CNTN5: variants seen among roughly 807,000 people sequenced by gnomAD.
CNTN5 encodes contactin 5, also known as contactin-5.
CNTN5 carries 77 observed loss-of-function variants against 129.1 expected under a neutral mutation model. That is an observed-to-expected ratio of 0.60 (90% CI 0.50 to 0.72). The LOEUF is 0.72. Ranked by LOEUF, CNTN5 falls within the 30% of genes least tolerant of loss-of-function variation. The pLI is 0.00. For missense variants in CNTN5, 1,478 were observed against 1,328.8 expected (o/e 1.11, Z -1.75); for synonymous variants, 509 against 465.6 (o/e 1.09, Z -1.20).
chr11:99,560,614 T>C (rs1948811743), intron 3 of CNTN5, among the ~76,000 whole-genome samples: 1 of 152,076 alleles, frequency 6.6e-6, no homozygotes, highest in Non-Finnish European at 1.5e-5. Context: ...GGAAGCAACT[T>C]CACTTAGGGG....
chr11:99,569,631 C>A (rs1949115953), intron 3 of CNTN5, among the ~76,000 whole-genome samples: 1 of 152,126 alleles, frequency 6.6e-6, no homozygotes, highest in Non-Finnish European at 1.5e-5. Context: ...CTCCAGAATC[C>A]TTCTATTGTG....
intron 2 of CNTN5, among the ~76,000 whole-genome samples, chr11:99,503,741 T>A (rs1445779100): frequency 6.6e-6 from 1 of 152,160 alleles, no homozygotes; most frequent in Non-Finnish European, 1.5e-5. Flanking sequence ...GATAAATAGA[T>A]CTATATCTAT....
At chr11:99,507,578 A>T (rs1194625530) in intron 2 of CNTN5, among the ~76,000 whole-genome samples, 2 of 152,130 alleles carry the variant, frequency 1.3e-5, no homozygotes, top group East Asian at 3.9e-4. Context: ...TACATAAACG[A>T]TGTACTTTGA....
chr11:100,000,713 C>G (rs948322920), intron 8 of CNTN5, among the ~76,000 whole-genome samples: 1 of 152,224 alleles, frequency 6.6e-6, no homozygotes, highest in Non-Finnish European at 1.5e-5. Context: ...CATTAGGGAT[C>G]TTTCCCTGCA....
At chr11:100,240,582 A>G (rs1192619741) in intron 16 of CNTN5, among the ~76,000 whole-genome samples, 5 of 152,188 alleles carry the variant, frequency 3.3e-5, no homozygotes, top group Non-Finnish European at 7.3e-5. Flanking sequence ...TTGCTCATTT[A>G]GTTAAATATA....
chr11:100,032,114 T>C (rs932826894), intron 9 of CNTN5, among the ~76,000 whole-genome samples: 1 of 152,184 alleles, frequency 6.6e-6, no homozygotes. Context: ...AAACAATGTT[T>C]CAGGAACCCA....
chr11:99,063,549 T>TAAAC (rs1253194883), intron 1 of CNTN5, among the ~76,000 whole-genome samples: 73 of 151,014 alleles, frequency 4.8e-4, no homozygotes, highest in African/African-American at 1.7e-3. Flanking sequence ...AATAAATAAA[T>TAAAC]AAACGCATGA....
chr11:99,875,194 A>T (rs966789748), intron 6 of CNTN5, among the ~76,000 whole-genome samples: 1 of 152,196 alleles, frequency 6.6e-6, no homozygotes, highest in African/African-American at 2.4e-5. Flanking sequence ...ACCAGGAATG[A>T]CAGAATAGAT....
At chr11:99,374,839 A>G (rs1940064400) in intron 2 of CNTN5, among the ~76,000 whole-genome samples, 1 of 91,350 alleles carries the variant, frequency 1.1e-5, no homozygotes, top group South Asian at 3.4e-4. Flanking sequence ...GAAAACTCTG[A>G]AAGAATGAAG....
At chr11:100,157,267 T>C (rs1312193857) in intron 13 of CNTN5, among the ~76,000 whole-genome samples, 1 of 151,924 alleles carries the variant, frequency 6.6e-6, no homozygotes, top group East Asian at 1.9e-4. Flanking sequence ...GAGGAAAACA[T>C]ATAGATTACG....
chr11:99,096,812 G>C (rs1415309505), intron 1 of CNTN5, among the ~76,000 whole-genome samples: 1 of 151,588 alleles, frequency 6.6e-6, no homozygotes, highest in Admixed American at 6.6e-5. Flanking sequence ...CTGTCATACT[G>C]CTTGCATTTG....
At chr11:99,937,101 A>G (rs1318947055) in intron 7 of CNTN5, among the ~76,000 whole-genome samples, 1 of 152,242 alleles carries the variant, frequency 6.6e-6, no homozygotes, top group Admixed American at 6.5e-5. Context: ...TAGATCTATG[A>G]TCTTTCTAAA....
chr11:99,092,620 C>T (rs1375775663), intron 1 of CNTN5, among the ~76,000 whole-genome samples: 3 of 151,836 alleles, frequency 2.0e-5, no homozygotes, highest in Non-Finnish European at 4.4e-5. Flanking sequence ...AACTTAGAAA[C>T]CAACTAAATA....
intron 16 of CNTN5, among the ~76,000 whole-genome samples, chr11:100,252,561 T>C (rs1045669892): frequency 6.6e-6 from 1 of 152,202 alleles, no homozygotes; most frequent in African/African-American, 2.4e-5. Context: ...TATAGTTAGC[T>C]CTTTGATACA....
intron 18 of CNTN5, among the ~76,000 whole-genome samples, chr11:100,296,754 A>C (rs1951107263): frequency 6.6e-6 from 1 of 151,540 alleles, no homozygotes; most frequent in South Asian, 2.1e-4. Flanking sequence ...GTGAATACCT[A>C]CCAGTAATTA....
chr11:99,357,077 A>T (rs1442869517), intron 2 of CNTN5, among the ~76,000 whole-genome samples: 1 of 152,224 alleles, frequency 6.6e-6, no homozygotes, highest in African/African-American at 2.4e-5. Context: ...TAACCCAGTA[A>T]GGTACATTTT....
At chr11:99,910,076 A>G (rs966834368) in intron 6 of CNTN5, among the ~76,000 whole-genome samples, 1 of 152,106 alleles carries the variant, frequency 6.6e-6, no homozygotes, top group African/African-American at 2.4e-5. Context: ...ATAGCTCTAG[A>G]TTTTTAAATG....
At position 99,239,710 on chromosome 11, in the gene CNTN5, C is replaced by T. The variant is rs375200352; in HGVS notation, c.-209-85636C>T. On this transcript the variant is annotated intron_variant, in intron 1 of 24. Transcript: ENST00000524871. ...CAGCACTTTGGGAGGCCGAGGCGGG[C>T]GGATCACGAGGTCAGCAGATCGAGA... Among the ~76,000 whole-genome samples the T allele has an allele frequency of 1.3e-4, 19 of 151,942 alleles. No homozygotes were observed. In the East Asian group the frequency reaches 1.7e-3, roughly 14 times the overall value.
chr11:100,058,772 C>T (rs1204234604), intron 9 of CNTN5, among the ~76,000 whole-genome samples: 1 of 152,086 alleles, frequency 6.6e-6, no homozygotes, highest in African/African-American at 2.4e-5. Context: ...AGGAAAACAT[C>T]TTACACTTAA....
Sources: allele counts gnomAD v4.1 joint callset (sites outside exome capture counted in the v4.1 genomes callset), GRCh38; gene constraint gnomAD v4.1.1; transcripts MANE v1.5; gene names NCBI Gene and HGNC (gene_info 2026-07-23, HGNC 2026-07-21).